The following MEI4 variants were observed in gnomAD, a reference collection of about 807,000 sequenced individuals.
MEI4 encodes the protein meiosis-specific protein MEI4.
Under a neutral mutation model 31.4 loss-of-function variants are expected in MEI4, and 27 were observed. That is an observed-to-expected ratio of 0.86 (90% CI 0.63 to 1.19). MEI4 has a LOEUF of 1.19. MEI4 is among the 50% of genes most tolerant of loss of function. The pLI, the probability that MEI4 is intolerant of heterozygous loss-of-function variation, is 0.00. For missense variants in MEI4, 329 were observed against 398.9 expected, an observed-to-expected ratio of 0.82 and a Z score of 1.49; for synonymous variants, 122 against 145.4, an observed-to-expected ratio of 0.84 and a Z score of 1.16.
At chr6:77,864,901 C>G (rs1283431527) in intron 4 of MEI4, among the ~76,000 whole-genome samples, 1 of 152,164 alleles carries the variant, frequency 6.6e-6, no homozygotes, top group Non-Finnish European at 1.5e-5. Context: ...ACAGTGCAAT[C>G]AAACTAGGAC....
intron 3 of MEI4, among the ~76,000 whole-genome samples, chr6:77,778,141 G>C (rs1029264315): frequency 6.6e-6 from 1 of 150,650 alleles, no homozygotes; most frequent in African/African-American, 2.4e-5. Context: ...AGTGCGGGGC[G>C]GGGGGTGGTG....
chr6:77,921,686 A>G (rs986746063), intron 4 of MEI4, among the ~76,000 whole-genome samples: 2 of 151,810 alleles, frequency 1.3e-5, no homozygotes, highest in Admixed American at 6.6e-5. Flanking sequence ...TCACTTGAAC[A>G]CTTAGAGGCC....
chr6:77,901,406 T>A (rs1227421386), intron 4 of MEI4, among the ~76,000 whole-genome samples: 1 of 152,080 alleles, frequency 6.6e-6, no homozygotes, highest in Non-Finnish European at 1.5e-5. Context: ...ATAGTCATCC[T>A]AACAGGTATG....
chr6:77,711,578 G>C (rs979020483), intron 2 of MEI4, among the ~76,000 whole-genome samples: 1 of 152,138 alleles, frequency 6.6e-6, no homozygotes, highest in African/African-American at 2.4e-5. Context: ...TAGTGGTTCT[G>C]TGGGCAGCTG....
chr6:77,783,767 A>G (rs1291502886), intron 3 of MEI4, among the ~76,000 whole-genome samples: 1 of 152,150 alleles, frequency 6.6e-6, no homozygotes, highest in African/African-American at 2.4e-5. Flanking sequence ...TATTCTTTTC[A>G]TGATTTCAAA....
intron 1 of MEI4, among the ~76,000 whole-genome samples, chr6:77,655,629 G>T (rs1768380048): frequency 6.6e-6 from 1 of 152,132 alleles, no homozygotes; most frequent in Non-Finnish European, 1.5e-5. Flanking sequence ...TATTTAGAGG[G>T]CTGTGTATAT....
At chr6:77,764,092 G>A (rs1410491138) in intron 3 of MEI4, among the ~76,000 whole-genome samples, 1 of 152,108 alleles carries the variant, frequency 6.6e-6, no homozygotes, top group Non-Finnish European at 1.5e-5. Flanking sequence ...GATTACAGGT[G>A]TGAACCACCA....
chr6:77,860,590 A>AT (rs1443311107), intron 4 of MEI4, among the ~76,000 whole-genome samples: 2 of 152,186 alleles, frequency 1.3e-5, no homozygotes, highest in Non-Finnish European at 2.9e-5. Context: ...AAAGTATTTT[A>AT]TATCAAACCA....
intron 2 of MEI4, among the ~76,000 whole-genome samples, chr6:77,691,762 G>A (rs1458800792): frequency 1.3e-5 from 2 of 151,778 alleles, no homozygotes; most frequent in Non-Finnish European, 2.9e-5. Context: ...TGAAAGGAAG[G>A]GCCTATTAAT....
chr6:77,886,696 G>A (rs1254903420), intron 4 of MEI4, among the ~76,000 whole-genome samples: 2 of 152,132 alleles, frequency 1.3e-5, no homozygotes, highest in Non-Finnish European at 2.9e-5. Flanking sequence ...GCCTCCCAAA[G>A]TGCTGGGATT....
At chr6:77,700,702 A>G (rs1292729764) in intron 2 of MEI4, among the ~76,000 whole-genome samples, 1 of 152,188 alleles carries the variant, frequency 6.6e-6, no homozygotes, top group African/African-American at 2.4e-5. Flanking sequence ...TGGGAGCTGT[A>G]GACCGGAGCT....
intron 1 of MEI4, among the ~76,000 whole-genome samples, chr6:77,677,296 G>A (rs1330033174): frequency 6.6e-6 from 1 of 152,000 alleles, no homozygotes; most frequent in East Asian, 1.9e-4. Flanking sequence ...TTCTGAGCTC[G>A]TTTCATTTTC....
chr6:77,742,330 G>T (rs1242287391), intron 2 of MEI4, among the ~76,000 whole-genome samples: 1 of 151,636 alleles, frequency 6.6e-6, no homozygotes, highest in African/African-American at 2.4e-5. Flanking sequence ...GTGTGAGATG[G>T]TATCTCATTG....
At chr6:77,918,816 G>A (rs2127741699) in intron 4 of MEI4, among the ~76,000 whole-genome samples, 1 of 152,102 alleles carries the variant, frequency 6.6e-6, no homozygotes, top group East Asian at 1.9e-4. Context: ...TTGAATAGGA[G>A]TGGTGAGAGA....
At chr6:77,831,681 C>G (rs1272416235) in intron 4 of MEI4, among the ~76,000 whole-genome samples, 1 of 151,754 alleles carries the variant, frequency 6.6e-6, no homozygotes, top group African/African-American at 2.4e-5. Context: ...TGTATGTTCT[C>G]ACTCATTTGT....
chr6:77,681,058 C>G (rs1311594999), intron 1 of MEI4, among the ~76,000 whole-genome samples: 1 of 151,646 alleles, frequency 6.6e-6, no homozygotes, highest in African/African-American at 2.4e-5. Flanking sequence ...CCACAGGACT[C>G]TGTACCTCAT....
intron 2 of MEI4, among the ~76,000 whole-genome samples, chr6:77,749,877 G>T (rs943886970): frequency 1.3e-5 from 2 of 152,128 alleles, no homozygotes; most frequent in Admixed American, 6.6e-5. Context: ...GAGATAGGTT[G>T]GGTTACCCAC....
intron 1 of MEI4, among the ~76,000 whole-genome samples, chr6:77,667,368 C>T (rs992970329): frequency 6.6e-6 from 1 of 152,134 alleles, no homozygotes; most frequent in African/African-American, 2.4e-5. Flanking sequence ...CATATGATCT[C>T]ATTTCCATAT....
At chr6:77,730,947 G>T (rs571466594) in intron 2 of MEI4, among the ~76,000 whole-genome samples, 17 of 151,832 alleles carry the variant, frequency 1.1e-4, no homozygotes, top group Non-Finnish European at 1.9e-4. Context: ...TCCCTACAAA[G>T]GACATGAACC....
Sources: allele counts gnomAD v4.1 joint callset (sites outside exome capture counted in the v4.1 genomes callset), GRCh38; gene constraint gnomAD v4.1.1; transcripts MANE v1.5; gene names NCBI Gene and HGNC (gene_info 2026-07-23, HGNC 2026-07-21).